The following TNKS variants were observed in gnomAD, a reference collection of about 807,000 sequenced individuals.
TNKS encodes tankyrase.
A neutral mutation model predicts 135.8 loss-of-function variants in TNKS; 72 were observed. The ratio of observed to expected loss-of-function variants is 0.53; its 90% CI spans 0.44 to 0.64. The LOEUF (loss-of-function observed/expected upper bound fraction) is 0.64, where lower values mean the gene tolerates loss of function less well. TNKS is among the 30% of genes least tolerant of loss of function. TNKS has a pLI of 0.00. For synonymous variants in TNKS, 849 were observed against 649.3 expected, an observed-to-expected ratio of 1.31 and a Z score of -4.68; for missense variants, 1,769 against 1,674.0, an observed-to-expected ratio of 1.06 and a Z score of -0.99.
chr8:9,761,732 C>T (rs542585468), intron 21 of TNKS, 96 bp downstream of exon 21: 6 of 1,283,192 alleles, frequency 4.7e-6, no homozygotes, highest in East Asian at 2.6e-5. Flanking sequence ...AGTCCCAGAA[C>T]CATACACTGA....
rs1051327016 is a variant in TNKS, at chr8:9,703,700, C to G, written c.1108-963C>G. Among the ~76,000 whole-genome samples the G allele has an allele frequency of 2.6e-5, 4 of 152,154 alleles. No individual in the cohort carries two copies. The East Asian group carries it at 7.7e-4, about 29-fold the overall frequency. ...ATCTTCACATCTGGAATAGGTGAAG[C>G]AAATAAATTAAAAATCTTATTAAAT... On this transcript the variant is annotated intron_variant, in intron 5 of 26. Transcript: ENST00000310430.
intron 15 of TNKS, 41 bp from the exon 16 acceptor site, chr8:9,734,824 T>C (rs1249113463): frequency 6.4e-7 from 1 of 1,554,772 alleles, no homozygotes; most frequent in Middle Eastern, 1.7e-4. Flanking sequence ...ACCTACTTAC[T>C]ACAGAAAATA....
chr8:9,772,089 G>A (rs939740929), intron 26 of TNKS, among the ~76,000 whole-genome samples: 23 of 147,102 alleles, frequency 1.6e-4, no homozygotes, highest in African/African-American at 5.1e-4. Context: ...GAGAGAAGGA[G>A]GGAGGGAGAA....
At chr8:9,695,126 G>A (rs569133033) in intron 5 of TNKS, among the ~76,000 whole-genome samples, 11 of 151,956 alleles carry the variant, frequency 7.2e-5, no homozygotes, top group African/African-American at 2.7e-4. Context: ...ACTGATAGTT[G>A]TCATGATTTT....
chr8:9,770,376 G>T (rs763319910), intron 26 of TNKS, 114 bp downstream of exon 26: 51 of 1,093,414 alleles, frequency 4.7e-5, no homozygotes, highest in Non-Finnish European at 6.3e-5. Context: ...CAGTGTGCTA[G>T]TATTAATTAC....
intron 23 of TNKS, 31 bp downstream of exon 23, chr8:9,764,821 G>C: frequency 6.5e-7 from 1 of 1,534,694 alleles, no homozygotes; most frequent in Non-Finnish European, 8.8e-7. Flanking sequence ...GGTGAAAACT[G>C]GATTGCAAGG....
chr8:9,753,948 C>T (rs1187431213), intron 20 of TNKS, among the ~76,000 whole-genome samples: 1 of 152,222 alleles, frequency 6.6e-6, no homozygotes, highest in Non-Finnish European at 1.5e-5. Flanking sequence ...AGAATCTATT[C>T]CATGCCTCTT....
chr8:9,656,314 C>T (rs1035505610), intron 3 of TNKS, among the ~76,000 whole-genome samples: 6 of 152,216 alleles, frequency 3.9e-5, no homozygotes, highest in African/African-American at 1.4e-4. Flanking sequence ...GGAGAACACT[C>T]TGCAGGATAT....
chr8:9,581,827 C>T (rs1382569030), intron 2 of TNKS, among the ~76,000 whole-genome samples: 1 of 152,160 alleles, frequency 6.6e-6, no homozygotes, highest in Non-Finnish European at 1.5e-5. Context: ...CTCGCCTCCT[C>T]CTCTTAATCC....
chr8:9,586,033 G>A (rs1798367900), intron 2 of TNKS, among the ~76,000 whole-genome samples: 1 of 152,022 alleles, frequency 6.6e-6, no homozygotes, highest in Admixed American at 6.6e-5. Flanking sequence ...TAATATACGT[G>A]AAACACCCTT....
At chr8:9,612,670 A>T (rs1186495437) in intron 2 of TNKS, among the ~76,000 whole-genome samples, 1 of 152,204 alleles carries the variant, frequency 6.6e-6, no homozygotes, top group East Asian at 1.9e-4. Flanking sequence ...TTTAAATATT[A>T]TCTGTGGCTG....
Position 9,734,891 on chromosome 8 carries a change from C to T in TNKS, c.2340C>T (p.Asn780=). ...LKHGADPTKK[N]RDGNTPLDLV... is the part of the protein sequence containing the mutation. ...ATGGAGCAGATCCAACTAAAAAGAA[C>T]AGAGATGGAAATACACCTTTGGATT... The change falls in exon 16 of 27, where the codon AAC becomes AAT. Residue 780 remains asparagine (N), a synonymous_variant. Transcript: ENST00000310430. 1 of 1,614,032 alleles carries T rather than the reference C, an allele frequency of 6.2e-7. No individual in the cohort carries two copies. Among genetic ancestry groups the T allele is most frequent in the South Asian group, 1.1e-5 (1 of 91,072 alleles).
At chr8:9,744,188 G>T (rs531430535) in intron 17 of TNKS, among the ~76,000 whole-genome samples, 67 of 152,152 alleles carry the variant, frequency 4.4e-4, no homozygotes, top group African/African-American at 1.5e-3. Flanking sequence ...TTACTGTGTC[G>T]GTGTTCTTTA....
chr8:9,584,734 A>G (rs1798302546), intron 2 of TNKS, among the ~76,000 whole-genome samples: 1 of 152,240 alleles, frequency 6.6e-6, no homozygotes, highest in South Asian at 2.1e-4. Flanking sequence ...CACACAGTTT[A>G]CATGTATACC....
At chr8:9,662,360 G>A (rs951888140) in intron 3 of TNKS, among the ~76,000 whole-genome samples, 32 of 152,114 alleles carry the variant, frequency 2.1e-4, no homozygotes, top group African/African-American at 7.2e-4. Context: ...GTCCATCAAC[G>A]ATAGACTGGA....
chr8:9,584,746 C>T (rs568279484), intron 2 of TNKS, among the ~76,000 whole-genome samples: 2 of 152,340 alleles, frequency 1.3e-5, no homozygotes, highest in African/African-American at 4.8e-5. Flanking sequence ...ATGTATACCA[C>T]ACCTCCATCT....
At chr8:9,649,464 G>A (rs1159989451) in intron 3 of TNKS, among the ~76,000 whole-genome samples, 1 of 152,152 alleles carries the variant, frequency 6.6e-6, no homozygotes, top group Non-Finnish European at 1.5e-5. Flanking sequence ...ATAACTAATG[G>A]TCTTTAATTT....
chr8:9,609,412 A>G (rs921960885), intron 2 of TNKS, among the ~76,000 whole-genome samples: 3 of 152,208 alleles, frequency 2.0e-5, no homozygotes, highest in Admixed American at 6.5e-5. Flanking sequence ...ACCAGTTCAC[A>G]TCTATTTTAT....
intron 2 of TNKS, among the ~76,000 whole-genome samples, chr8:9,596,897 T>A: frequency 6.6e-6 from 1 of 152,214 alleles, no homozygotes; most frequent in Non-Finnish European, 1.5e-5. Flanking sequence ...AAAATGGAAC[T>A]CTCACTGTCA....
Sources: gnomAD v4.1 joint callset for allele counts (sites outside exome capture counted in the v4.1 genomes callset) on GRCh38, gnomAD v4.1.1 for gene constraint, MANE v1.5 for transcripts, NCBI Gene and HGNC (gene_info 2026-07-23, HGNC 2026-07-21) for gene names.